The following RPS6KA2 variants were observed in gnomAD, a reference collection of about 807,000 sequenced individuals.
The protein encoded by RPS6KA2 is ribosomal protein S6 kinase alpha-2.
Under a neutral mutation model 91.8 loss-of-function variants are expected in RPS6KA2, and 42 were observed. The observed-to-expected ratio is 0.46, with a 90% confidence interval of 0.36 to 0.59. The LOEUF is 0.59. Ranked by LOEUF, RPS6KA2 falls within the 20% of genes least tolerant of loss-of-function variation. The pLI is 0.00. For synonymous variants in RPS6KA2, 414 were observed against 393.6 expected, an observed-to-expected ratio of 1.05 and a Z score of -0.61; for missense variants, 798 against 978.5, an observed-to-expected ratio of 0.82 and a Z score of 2.46.
chr6:166,480,479 TTATATATATATATATATATATA>T (rs3066214), intron 10 of RPS6KA2, among the ~76,000 whole-genome samples: 1 of 99,874 alleles, frequency 1.0e-5, no homozygotes, highest in East Asian at 2.5e-4. Flanking sequence ...GATTGTGATT[TTATATATATATATATATATATA>T]TATATATATA....
intron 2 of RPS6KA2, among the ~76,000 whole-genome samples, chr6:166,754,797 G>T (rs760950748): frequency 2.6e-5 from 4 of 152,128 alleles, no homozygotes; most frequent in Non-Finnish European, 4.4e-5. Flanking sequence ...TCCTCAGGCT[G>T]GTGTGCTGCA....
chr6:166,723,998 C>A (rs1790265447), intron 2 of RPS6KA2, among the ~76,000 whole-genome samples: 1 of 152,022 alleles, frequency 6.6e-6, no homozygotes, highest in East Asian at 1.9e-4. Context: ...CTGTGCCTGG[C>A]CCCTGAGTCA....
intron 1 of RPS6KA2, among the ~76,000 whole-genome samples, chr6:166,623,521 A>G (rs1786722338): frequency 6.6e-6 from 1 of 152,196 alleles, no homozygotes; most frequent in African/African-American, 2.4e-5. Flanking sequence ...GCAGTGACTC[A>G]TAGGCCAGAC....
Position 166,804,689 on chromosome 6 carries a change from A to G in RPS6KA2, c.123+53511T>C, listed in dbSNP as rs561595802. On this transcript the variant is annotated intron_variant, in intron 2 of 21. Coordinates refer to the RPS6KA2 transcript ENST00000503859. ...ATATCTCTTATTGTTTTGTCCATTA[A>G]TAATTTTTTAATACAATCAAATATA... Among the ~76,000 whole-genome samples the G allele has an allele frequency of 2.0e-5, 3 of 151,508 alleles. 1 individual carries two copies. The South Asian group carries it at 6.3e-4, about 32-fold the overall frequency.
Position 166,430,630 on chromosome 6 carries a change from G to A in RPS6KA2, c.1423-19C>T, listed in dbSNP as rs9459667. The A allele has an allele frequency of 5.7e-3, 9,184 of 1,601,640 alleles. 435 individuals are homozygous for A. In the African/African-American group the frequency reaches 0.11, roughly 18 times the overall value. On this transcript the variant is annotated intron_variant, in intron 15 of 20. Coordinates refer to ENST00000265678, the MANE Select transcript of RPS6KA2 (RefSeq NM_021135.6). Reference sequence around the variant, plus strand: ...CATAGACCTGCGGAGTGGAGAAGGGGCGCACACGTCACCACGGCTGGTTGC... The same window carrying A: ...CATAGACCTGCGGAGTGGAGAAGGGACGCACACGTCACCACGGCTGGTTGC...
intron 3 of RPS6KA2, among the ~76,000 whole-genome samples, chr6:166,523,256 G>A (rs924130491): frequency 2.0e-5 from 3 of 152,238 alleles, no homozygotes; most frequent in Admixed American, 1.3e-4. Flanking sequence ...GAGAAAGACA[G>A]AAGTCAAAGA....
intron 2 of RPS6KA2, among the ~76,000 whole-genome samples, chr6:166,729,362 G>A (rs1214161920): frequency 6.6e-6 from 1 of 152,202 alleles, no homozygotes; most frequent in Non-Finnish European, 1.5e-5. Context: ...TTCTCTTTCT[G>A]TGTGTGATGG....
At chr6:166,698,224 G>A (rs1324503340) in intron 2 of RPS6KA2, among the ~76,000 whole-genome samples, 1 of 152,230 alleles carries the variant, frequency 6.6e-6, no homozygotes, top group Non-Finnish European at 1.5e-5. Context: ...ATGTGTAGCA[G>A]GTGAAGTACT....
At chr6:166,579,083 C>A (rs770070477) in intron 1 of RPS6KA2, among the ~76,000 whole-genome samples, 2 of 152,146 alleles carry the variant, frequency 1.3e-5, no homozygotes, top group African/African-American at 4.8e-5. Context: ...AAAAACAAGC[C>A]GGAATGAGAA....
chr6:166,467,437 G>GA lies in RPS6KA2; in HGVS notation c.972+2403dup, dbSNP rs369853769. 7.4e-3 allele frequency among the ~76,000 whole-genome samples: 1,123 copies of GA among 152,346 alleles called. 19 individuals carry two copies. Among genetic ancestry groups the GA allele is most frequent in the African/African-American group, 0.025 (1,057 of 41,578 alleles). On this transcript the variant is annotated intron_variant, in intron 11 of 20. Coordinates refer to ENST00000265678, the MANE Select transcript of RPS6KA2 (RefSeq NM_021135.6). Reference sequence around the variant, plus strand: ...TGAGGCGAGTCAGAAAGTGATAAGGGATATGAAAACAGAGCAAGGCCGGGG... The same window carrying GA: ...TGAGGCGAGTCAGAAAGTGATAAGGGAATATGAAAACAGAGCAAGGCCGGGG...
intron 14 of RPS6KA2, among the ~76,000 whole-genome samples, chr6:166,441,100 T>C (rs1363285277): frequency 6.6e-6 from 1 of 152,176 alleles, no homozygotes; most frequent in African/African-American, 2.4e-5. Flanking sequence ...TATGCCACCG[T>C]TTTCCTCAGT....
rs529652167 is a variant in RPS6KA2, at chr6:166,850,664, C to T, written c.123+7536G>A. ...CTCGGCCAGAGTCACAGATCTGAGC[C>T]CCTGCGTCCTCCTCAGGAAAGCTCT... On this transcript the variant is annotated intron_variant, in intron 2 of 21. Coordinates refer to the RPS6KA2 transcript ENST00000503859. 1.1e-4 allele frequency among the ~76,000 whole-genome samples: 17 copies of T among 152,248 alleles called. No individual in the cohort carries two copies. In the East Asian group the frequency reaches 3.3e-3, roughly 29 times the overall value.
intron 2 of RPS6KA2, among the ~76,000 whole-genome samples, chr6:166,686,178 A>G (rs1310870659): frequency 6.6e-6 from 1 of 152,102 alleles, no homozygotes; most frequent in Non-Finnish European, 1.5e-5. Context: ...TCCTATGCTC[A>G]TGTAAGGTCG....
intron 2 of RPS6KA2, among the ~76,000 whole-genome samples, chr6:166,678,044 G>A (rs1341713447): frequency 6.6e-6 from 1 of 152,194 alleles, no homozygotes; most frequent in African/African-American, 2.4e-5. Context: ...GCTGGTGTGG[G>A]ATGTAGCTGT....
At chr6:166,524,681 T>G (rs567156379) in intron 3 of RPS6KA2, among the ~76,000 whole-genome samples, 1 of 152,272 alleles carries the variant, frequency 6.6e-6, no homozygotes, top group East Asian at 1.9e-4. Flanking sequence ...GCTTACACTT[T>G]CCAAGCCTTT....
intron 2 of RPS6KA2, chr6:166,757,624 C>A (rs1157771453): frequency 2.2e-6 from 1 of 456,008 alleles, no homozygotes; most frequent in Non-Finnish European, 4.4e-6. Context: ...TGCCGTCCAG[C>A]CATTCTGCCA....
At chr6:166,664,753 T>C (rs911740697) in intron 2 of RPS6KA2, among the ~76,000 whole-genome samples, 10 of 152,188 alleles carry the variant, frequency 6.6e-5, no homozygotes, top group Admixed American at 5.2e-4. Context: ...CAAGAAAATA[T>C]TCTATTAAGT....
intron 1 of RPS6KA2, among the ~76,000 whole-genome samples, chr6:166,550,868 G>C (rs1375045662): frequency 6.6e-6 from 1 of 151,834 alleles, no homozygotes; most frequent in African/African-American, 2.4e-5. Context: ...AGGCGTGGTG[G>C]CGGGCGCCTG....
rs1218847547 is a variant in RPS6KA2, at chr6:166,563,865, A to T, written c.100-25081T>A. On this transcript the variant is annotated intron_variant, in intron 1 of 20. Coordinates refer to ENST00000265678, the MANE Select transcript of RPS6KA2 (RefSeq NM_021135.6). This position sits in a 1 kb window ranked among gnomAD's most constrained non-coding sequence, Gnocchi z 4.1. ...TTTCTCATGTTTGCCATCCATTTACAAATGAGCTTTACCTATTTGTAAATT... is the reference window on the plus strand; with the variant it reads ...TTTCTCATGTTTGCCATCCATTTACTAATGAGCTTTACCTATTTGTAAATT... 6.6e-6 allele frequency among the ~76,000 whole-genome samples: 1 copy of T among 152,226 alleles called. No individual in the cohort carries two copies. The highest frequency in any genetic ancestry group is 1.5e-5 in the Non-Finnish European group (1 of 68,036).
Sources: allele counts gnomAD v4.1 joint callset (sites outside exome capture counted in the v4.1 genomes callset), GRCh38; gene constraint gnomAD v4.1.1; non-coding constraint Gnocchi (gnomAD v3.1); transcripts MANE v1.5; gene names NCBI Gene and HGNC (gene_info 2026-07-23, HGNC 2026-07-21).